The following PRKN variants were observed in gnomAD, a reference collection of about 807,000 sequenced individuals.
The protein encoded by PRKN is E3 ubiquitin-protein ligase parkin.
Under a neutral mutation model 59.5 loss-of-function variants are expected in PRKN, and 56 were observed. The observed-to-expected ratio is 0.94, with a 90% CI of 0.76 to 1.18. PRKN has a LOEUF of 1.18. Ranked by LOEUF, PRKN falls within the 50% of genes most tolerant of loss-of-function variation. The pLI is 0.00. For synonymous variants in PRKN, 250 were observed against 222.1 expected (o/e 1.13, Z -1.12); for missense variants, 657 against 596.4 (o/e 1.10, Z -1.06).
At chr6:161,860,257 C>T (rs1240361858) in intron 6 of PRKN, among the ~76,000 whole-genome samples, 2 of 152,162 alleles carry the variant, frequency 1.3e-5, no homozygotes, top group Non-Finnish European at 2.9e-5. Context: ...TTAACTGATA[C>T]TTGTTGAGTG....
intron 7 of PRKN, among the ~76,000 whole-genome samples, chr6:161,666,056 A>G (rs576634271): frequency 4.9e-4 from 75 of 152,310 alleles, no homozygotes; most frequent in African/African-American, 1.7e-3. Flanking sequence ...TTACTAGCCC[A>G]TCACACCTGG....
At chr6:161,387,878 G>A (rs1197715728) in intron 9 of PRKN, among the ~76,000 whole-genome samples, 1 of 152,210 alleles carries the variant, frequency 6.6e-6, no homozygotes, top group Non-Finnish European at 1.5e-5. Flanking sequence ...AAGATGAGGA[G>A]ATTAGGACAG....
chr6:162,254,926 G>A (rs541315516), intron 3 of PRKN, among the ~76,000 whole-genome samples: 1 of 151,948 alleles, frequency 6.6e-6, no homozygotes, highest in South Asian at 2.1e-4. Flanking sequence ...GGAAAACAAC[G>A]AAAATGTAAC....
At chr6:161,769,389 G>A (rs1273100422) in intron 7 of PRKN, among the ~76,000 whole-genome samples, 1 of 152,080 alleles carries the variant, frequency 6.6e-6, no homozygotes, top group Non-Finnish European at 1.5e-5. Flanking sequence ...CAGTTGAGTG[G>A]GCTGGTCAAT....
intron 2 of PRKN, among the ~76,000 whole-genome samples, chr6:162,297,482 C>A (rs928477253): frequency 2.0e-5 from 3 of 152,060 alleles, no homozygotes; most frequent in Non-Finnish European, 2.9e-5. Context: ...GAAAGAACTT[C>A]TGTTTGAAGA....
At chr6:162,184,548 C>G (rs1045503353) in intron 4 of PRKN, among the ~76,000 whole-genome samples, 1 of 152,154 alleles carries the variant, frequency 6.6e-6, no homozygotes, top group Non-Finnish European at 1.5e-5. Context: ...TCTTCTCTCT[C>G]TTGCTGCCCT....
intron 4 of PRKN, among the ~76,000 whole-genome samples, chr6:162,200,026 C>A (rs1480391629): frequency 6.6e-6 from 1 of 152,138 alleles, no homozygotes; most frequent in African/African-American, 2.4e-5. Flanking sequence ...TCCTCAATAG[C>A]GTTTGACACA....
rs1790186597 is a variant in PRKN at position 162,443,989 on chromosome 6, C to A, written c.8-516G>T. On this transcript the variant is annotated intron_variant, in intron 1 of 11. Transcript: ENST00000366898. ...GAGCCCTAGACTTGGGTGGTCCTGG[C>A]CAAAATGCTCCACTGGGTCTATGAA... 2.0e-5 allele frequency among the ~76,000 whole-genome samples: 3 copies of A among 152,138 alleles called. No homozygotes were observed. The South Asian group carries it at 6.2e-4, about 32-fold the overall frequency.
intron 2 of PRKN, among the ~76,000 whole-genome samples, chr6:162,313,120 C>A (rs1056293327): frequency 6.6e-6 from 1 of 152,038 alleles, no homozygotes; most frequent in Non-Finnish European, 1.5e-5. Context: ...GTAAAGTACA[C>A]ATTTCATACA....
intron 7 of PRKN, among the ~76,000 whole-genome samples, chr6:161,572,384 G>A (rs944188572): frequency 3.3e-5 from 5 of 152,126 alleles, no homozygotes; most frequent in South Asian, 4.2e-4. Context: ...AATCCTGGCC[G>A]GGCATGGTGG....
At chr6:162,292,748 C>A (rs933853375) in intron 2 of PRKN, among the ~76,000 whole-genome samples, 1 of 152,152 alleles carries the variant, frequency 6.6e-6, no homozygotes, top group Non-Finnish European at 1.5e-5. Context: ...AGGATCAGTT[C>A]TTTCGGTAGT....
At chr6:162,090,167 GGT>G (rs753748519) in intron 4 of PRKN, among the ~76,000 whole-genome samples, 20 of 151,654 alleles carry the variant, frequency 1.3e-4, no homozygotes, top group African/African-American at 4.1e-4. Context: ...TCTGTGTACA[GGT>G]GTGTGTGTGT....
chr6:162,134,728 C>G (rs530107187), intron 4 of PRKN, among the ~76,000 whole-genome samples: 1 of 152,056 alleles, frequency 6.6e-6, no homozygotes, highest in South Asian at 2.1e-4. Context: ...TTGACAGCAG[C>G]ATGGAGAATT....
intron 1 of PRKN, among the ~76,000 whole-genome samples, chr6:162,604,302 G>A (rs779632162): frequency 2.6e-5 from 4 of 152,162 alleles, no homozygotes; most frequent in African/African-American, 4.8e-5. Flanking sequence ...TATTCTCTGA[G>A]GCACCTGTGG....
At chr6:162,474,277 A>G (rs1262346266) in intron 1 of PRKN, among the ~76,000 whole-genome samples, 1 of 152,230 alleles carries the variant, frequency 6.6e-6, no homozygotes, top group Non-Finnish European at 1.5e-5. Flanking sequence ...CAACTGGGAC[A>G]TTGCAAATAC....
intron 1 of PRKN, among the ~76,000 whole-genome samples, chr6:162,530,116 G>A (rs926384214): frequency 6.8e-6 from 1 of 147,650 alleles, no homozygotes; most frequent in African/African-American, 2.5e-5. Context: ...GGCAACAAGA[G>A]CGAAACTAAC....
At chr6:162,499,572 G>C (rs1007393489) in intron 1 of PRKN, among the ~76,000 whole-genome samples, 16 of 152,192 alleles carry the variant, frequency 1.1e-4, no homozygotes, top group Admixed American at 7.9e-4. Flanking sequence ...AAAGAGAACA[G>C]ACAATTAACT....
intron 7 of PRKN, among the ~76,000 whole-genome samples, chr6:161,679,775 G>A (rs1351986933): frequency 2.7e-5 from 1 of 37,112 alleles, no homozygotes; most frequent in East Asian, 8.3e-4. Context: ...TTTTTTTTGA[G>A]ATGGAGTCTC....
At position 161,575,642 on chromosome 6, in the gene PRKN, G is replaced by A. The variant is rs1050107554; in HGVS notation, c.872-6226C>T. Among the ~76,000 whole-genome samples the A allele has an allele frequency of 1.8e-4, 28 of 152,240 alleles. No homozygotes were observed. Among genetic ancestry groups the A allele is most frequent in the African/African-American group, 6.7e-4 (28 of 41,544 alleles). Reference sequence around the variant, plus strand: ...TATCCTTTGGGTTCAATGGAAAATCGTGAGCACCCAGGCTTGGGATAGAAA... The same window carrying A: ...TATCCTTTGGGTTCAATGGAAAATCATGAGCACCCAGGCTTGGGATAGAAA... On this transcript the variant is annotated intron_variant, in intron 7 of 11. Transcript: ENST00000366898. The surrounding 1 kb of genome is among the most constrained non-coding windows in gnomAD (Gnocchi z 4.6).
Sources: gnomAD v4.1 joint callset for allele counts (sites outside exome capture counted in the v4.1 genomes callset) on GRCh38, gnomAD v4.1.1 for gene constraint, Gnocchi (gnomAD v3.1) non-coding constraint, MANE v1.5 for transcripts, NCBI Gene and HGNC (gene_info 2026-07-23, HGNC 2026-07-21) for gene names.